The following FSTL5 variants were observed in gnomAD, a reference collection of about 807,000 sequenced individuals.
FSTL5 encodes follistatin like 5, also known as follistatin-related protein 5.
FSTL5 carries 62 observed loss-of-function variants against 89.1 expected under a neutral mutation model. The observed-to-expected ratio is 0.70, with a 90% CI of 0.57 to 0.86. The LOEUF (loss-of-function observed/expected upper bound fraction) is 0.86, where lower values mean the gene tolerates loss of function less well. Ranked by LOEUF, FSTL5 falls within the 40% of genes least tolerant of loss-of-function variation. The pLI is 0.00. For missense variants in FSTL5, 1,057 were observed against 1,001.6 expected, an observed-to-expected ratio of 1.06 and a Z score of -0.75; for synonymous variants, 383 against 346.2, an observed-to-expected ratio of 1.11 and a Z score of -1.18.
chr4:161,866,509 G>GTGT (rs1349853375), intron 4 of FSTL5, among the ~76,000 whole-genome samples: 1 of 68,178 alleles, frequency 1.5e-5, no homozygotes, highest in Non-Finnish European at 3.4e-5. Flanking sequence ...TGTGTGTGTG[G>GTGT]TTTCAATCTT....
intron 15 of FSTL5, among the ~76,000 whole-genome samples, chr4:161,411,015 G>A (rs1731570213): frequency 8.6e-6 from 1 of 116,476 alleles, no homozygotes; most frequent in African/African-American, 2.9e-5. Context: ...AGATGATATT[G>A]CAACTGATCC....
In FSTL5 at chr4:161,639,688, T is replaced by C. The variant is rs1735876500; in HGVS notation, c.894+16640A>G. On this transcript the variant is annotated intron_variant, in intron 7 of 15. Coordinates refer to ENST00000306100, the MANE Select transcript of FSTL5 (RefSeq NM_020116.5). ...GAGATGAATTTCAGTCAATTTCAGC[T>C]ATATTGTCATAGCAGCCACCCCTTC... is the stretch of plus-strand genomic sequence containing the variant. 2.0e-5 allele frequency among the ~76,000 whole-genome samples: 3 copies of C among 152,162 alleles called. No homozygotes were observed. In the South Asian group the frequency reaches 6.2e-4, roughly 32 times the overall value.
intron 3 of FSTL5, among the ~76,000 whole-genome samples, chr4:162,031,853 G>A (rs1208472761): frequency 2.6e-5 from 4 of 152,018 alleles, no homozygotes; most frequent in African/African-American, 4.8e-5. Flanking sequence ...CAGGAGAATC[G>A]CTTGAACCCA....
chr4:161,655,555 A>G (rs937868586), intron 7 of FSTL5, among the ~76,000 whole-genome samples: 8 of 152,182 alleles, frequency 5.3e-5, no homozygotes, highest in South Asian at 2.1e-4. Flanking sequence ...CATGTGAAGT[A>G]TTAGTTTTTA....
chr4:161,696,921 C>A (rs1738190025), intron 6 of FSTL5, among the ~76,000 whole-genome samples: 1 of 152,158 alleles, frequency 6.6e-6, no homozygotes, highest in Non-Finnish European at 1.5e-5. Flanking sequence ...TTTTTCTTTA[C>A]CGATTAGGAT....
At chr4:162,123,459 T>C (rs1561031580) in intron 1 of FSTL5, among the ~76,000 whole-genome samples, 3 of 152,022 alleles carry the variant, frequency 2.0e-5, no homozygotes, top group Non-Finnish European at 4.4e-5. Context: ...GGAAGATAGG[T>C]TAATGCTTAG....
intron 7 of FSTL5, among the ~76,000 whole-genome samples, chr4:161,624,555 AT>A (rs139134318): frequency 1.3e-5 from 2 of 151,748 alleles, no homozygotes; most frequent in Non-Finnish European, 2.9e-5. Flanking sequence ...ATAGGTGTAC[AT>A]TTTTTAATTA....
intron 3 of FSTL5, among the ~76,000 whole-genome samples, chr4:161,935,456 T>C (rs749482861): frequency 1.3e-5 from 2 of 152,118 alleles, no homozygotes; most frequent in African/African-American, 2.4e-5. Flanking sequence ...CTGATTACTG[T>C]CCTCATAGAA....
At chr4:161,557,685 A>G (rs1732438476) in intron 8 of FSTL5, among the ~76,000 whole-genome samples, 1 of 150,768 alleles carries the variant, frequency 6.6e-6, no homozygotes, top group Admixed American at 6.6e-5. Flanking sequence ...AATCTGAGTC[A>G]TCAATATTAA....
At chr4:161,581,590 T>C (rs771498600) in intron 8 of FSTL5, among the ~76,000 whole-genome samples, 2 of 152,210 alleles carry the variant, frequency 1.3e-5, no homozygotes, top group Non-Finnish European at 2.9e-5. Flanking sequence ...TTCTAAATAA[T>C]AGCTCTGTCA....
intron 4 of FSTL5, among the ~76,000 whole-genome samples, chr4:161,842,471 T>C (rs772466540): frequency 4.6e-5 from 7 of 152,174 alleles, no homozygotes; most frequent in Non-Finnish European, 1.0e-4. Context: ...CTGAATATAT[T>C]ACACTACTTA....
At chr4:161,638,390 T>C (rs1355833130) in intron 7 of FSTL5, among the ~76,000 whole-genome samples, 4 of 152,170 alleles carry the variant, frequency 2.6e-5, no homozygotes, top group Admixed American at 6.5e-5. Flanking sequence ...TTTCTAGATA[T>C]ACAACCATGT....
Position 161,443,347 on chromosome 4 carries a change from T to C in FSTL5, c.1841+11657A>G, listed in dbSNP as rs555356296. Reference sequence around the variant, plus strand: ...GAGGGAGGGTGATTCCTTAGCATACTAAATTTTTTTAAAGCTTATTCCACA... The same window carrying C: ...GAGGGAGGGTGATTCCTTAGCATACCAAATTTTTTTAAAGCTTATTCCACA... On this transcript the variant is annotated intron_variant, in intron 15 of 15. Transcript: ENST00000306100. Among the ~76,000 whole-genome samples, 28 of 152,164 alleles carry C rather than the reference T, an allele frequency of 1.8e-4. No individual in the cohort carries two copies. In the South Asian group the frequency reaches 2.1e-3, roughly 11 times the overall value.
intron 2 of FSTL5, among the ~76,000 whole-genome samples, chr4:162,049,509 G>A (rs1045711326): frequency 3.9e-5 from 6 of 152,080 alleles, no homozygotes; most frequent in Non-Finnish European, 8.8e-5. Context: ...GAATTCAAAG[G>A]TACACTTCTC....
At chr4:161,521,586 T>C (rs113358765) in intron 10 of FSTL5, among the ~76,000 whole-genome samples, 7,558 of 152,122 alleles carry the variant, frequency 0.05, 615 homozygotes, top group African/African-American at 0.17. Flanking sequence ...CGGTGGCTCA[T>C]GCCTCTAACC....
Position 161,898,846 on chromosome 4 carries a change from G to T in FSTL5, c.409+21558C>A, listed in dbSNP as rs144385082. On this transcript the variant is annotated intron_variant, in intron 4 of 15. Transcript: ENST00000306100. ...GGGTTTCACCGTGTTAGCCAGGATGGTCTGGATCTCCTGACCTAATGATCC... is the reference window on the plus strand; with the variant it reads ...GGGTTTCACCGTGTTAGCCAGGATGTTCTGGATCTCCTGACCTAATGATCC... Among the ~76,000 whole-genome samples, 1,328 of 151,886 alleles carry T rather than the reference G, an allele frequency of 8.7e-3. 40 individuals are homozygous for T. Among genetic ancestry groups the T allele is most frequent in the East Asian group, 0.038 (197 of 5,128 alleles).
At chr4:161,607,137 T>C (rs557074775) in intron 7 of FSTL5, among the ~76,000 whole-genome samples, 20 of 152,274 alleles carry the variant, frequency 1.3e-4, no homozygotes, top group African/African-American at 4.8e-4. Context: ...AGTAATATAA[T>C]GAGTCTGAAG....
chr4:161,564,030 C>T (rs1489531104), intron 8 of FSTL5, among the ~76,000 whole-genome samples: 3 of 151,514 alleles, frequency 2.0e-5, no homozygotes, highest in Admixed American at 1.3e-4. Context: ...AAACTATGCC[C>T]CTCATCCACA....
At chr4:162,103,833 C>G (rs566708615) in intron 2 of FSTL5, among the ~76,000 whole-genome samples, 9 of 152,262 alleles carry the variant, frequency 5.9e-5, no homozygotes, top group African/African-American at 2.2e-4. Flanking sequence ...AGAGAGCTCA[C>G]TAAAATGCTA....
Sources: gnomAD v4.1 joint callset for allele counts (sites outside exome capture counted in the v4.1 genomes callset) on GRCh38, gnomAD v4.1.1 for gene constraint, MANE v1.5 for transcripts, NCBI Gene and HGNC (gene_info 2026-07-23, HGNC 2026-07-21) for gene names.